CHD2: variants seen among roughly 807,000 people sequenced by gnomAD.
The protein encoded by CHD2 is ATP-dependent chromatin remodeler CHD2.
In CHD2, 28 loss-of-function variants were observed where a neutral mutation model predicts 243.9. The ratio of observed to expected loss-of-function variants is 0.11; its 90% CI spans 0.09 to 0.16. The LOEUF (loss-of-function observed/expected upper bound fraction) is 0.16, where lower values mean the gene tolerates loss of function less well. Among genes scored for constraint, CHD2 ranks in the 10% least tolerant of loss-of-function variants. The pLI is 1.00. For synonymous variants in CHD2, 775 were observed against 779.0 expected (o/e 0.99, Z 0.09); for missense variants, 1,386 against 2,209.8 (o/e 0.63, Z 7.47).
intron 26 of CHD2, among the ~76,000 whole-genome samples, chr15:92,988,050 T>C (rs1475921068): frequency 6.6e-6 from 1 of 152,122 alleles, no homozygotes; most frequent in Non-Finnish European, 1.5e-5. Flanking sequence ...CAATGCAGTT[T>C]TATAATTCAT....
rs1283361104 is a variant in CHD2 at position 92,977,600 on chromosome 15, C to T, written c.2578-634C>T. The stretch of plus-strand genomic sequence containing the variant: ...CAGGTGTGCTGTGCTTGCCCAGTGT[C>T]TACTGTCATTGCTGTGGATACTGCA... On this transcript the variant is annotated intron_variant, in intron 20 of 38. Transcript: ENST00000394196. 2.0e-5 allele frequency among the ~76,000 whole-genome samples: 3 copies of T among 152,044 alleles called. No homozygotes were observed. In the East Asian group the frequency reaches 5.8e-4, roughly 29 times the overall value.
At chr15:93,004,378 T>C (rs971325328) in intron 33 of CHD2, 1 of 356,972 alleles carries the variant, frequency 2.8e-6, no homozygotes, top group Admixed American at 4.5e-5. Context: ...AAAATAGCAC[T>C]GATGAAATTG....
At chr15:92,921,626 C>T (rs970025673) in intron 2 of CHD2, among the ~76,000 whole-genome samples, 12 of 152,122 alleles carry the variant, frequency 7.9e-5, no homozygotes, top group African/African-American at 2.2e-4. Flanking sequence ...TGTGGGGTAA[C>T]GACTCACTAA....
intron 28 of CHD2, among the ~76,000 whole-genome samples, chr15:92,994,821 T>TC (rs2054166882): frequency 6.6e-6 from 1 of 152,184 alleles, no homozygotes; most frequent in Non-Finnish European, 1.5e-5. Flanking sequence ...CCCCAAAGTC[T>TC]CCCTTTTTTT....
At chr15:92,946,243 T>C (rs775896993) in intron 12 of CHD2, 27 bp downstream of exon 12, 1 of 1,579,102 alleles carries the variant, frequency 6.3e-7, no homozygotes, top group Non-Finnish European at 8.6e-7. Context: ...CTTTTGTTTT[T>C]TCAGGGAGAA....
chr15:92,968,102 CTT>C (rs1200991813), intron 17 of CHD2, among the ~76,000 whole-genome samples: 4 of 145,072 alleles, frequency 2.8e-5, no homozygotes, highest in African/African-American at 7.4e-5. Context: ...TGGTATGTCT[CTT>C]AAGTATATTT....
At chr15:92,939,433 G>C in intron 6 of CHD2, 145 bp from the exon 7 acceptor site, 1 of 839,642 alleles carries the variant, frequency 1.2e-6, no homozygotes, top group South Asian at 2.1e-5. Flanking sequence ...AGGGAGTAGG[G>C]CCCAAGAATA....
intron 24 of CHD2, 85 bp from the exon 25 acceptor site, chr15:92,984,245 C>T: frequency 1.9e-6 from 2 of 1,047,724 alleles, no homozygotes; most frequent in Non-Finnish European, 2.6e-6. Context: ...ACAGTGTCTA[C>T]TTAGATAAAA....
rs527839842 is a variant in CHD2, at chr15:92,993,005, G to A, written c.3595+7G>A. ...AAAGAAAATGCCAGCGAGGGTAAGCGAAGTTGGCTTTAGTGAGTCTTCGCA... is the reference window on the plus strand; with the variant it reads ...AAAGAAAATGCCAGCGAGGGTAAGCAAAGTTGGCTTTAGTGAGTCTTCGCA... On this transcript the variant is annotated splice_region_variant and intron_variant, in intron 28 of 38. Coordinates refer to ENST00000394196, the MANE Select transcript of CHD2 (RefSeq NM_001271.4). 14 of 1,613,050 alleles carry A rather than the reference G, an allele frequency of 8.7e-6. No individual in the cohort carries two copies. The highest frequency in any genetic ancestry group is 4.5e-5 in the East Asian group (2 of 44,878).
At chr15:92,980,119 A>G (rs1017620100) in intron 22 of CHD2, among the ~76,000 whole-genome samples, 2 of 151,428 alleles carry the variant, frequency 1.3e-5, no homozygotes, top group Non-Finnish European at 2.9e-5. Flanking sequence ...ATCTTGGCTC[A>G]TTGCAACCTC....
intron 2 of CHD2, among the ~76,000 whole-genome samples, chr15:92,905,252 G>C (rs1353193203): frequency 6.6e-6 from 1 of 152,126 alleles, no homozygotes; most frequent in Non-Finnish European, 1.5e-5. Context: ...ATCTTCCCTA[G>C]GCCTCCATTT....
chr15:92,962,313 A>T (rs1202362684), intron 16 of CHD2, among the ~76,000 whole-genome samples: 1 of 152,024 alleles, frequency 6.6e-6, no homozygotes, highest in East Asian at 1.9e-4. Context: ...AGTTGTTTAA[A>T]GGTATGTTTA....
chr15:92,931,635 A>G (rs1237156920), intron 5 of CHD2, among the ~76,000 whole-genome samples: 2 of 152,056 alleles, frequency 1.3e-5, no homozygotes, highest in Admixed American at 6.6e-5. Flanking sequence ...TTGCTCTCCA[A>G]AAGTGTTGGG....
rs188428417 is a variant in CHD2 at position 92,936,884 on chromosome 15, C to G, written c.444-634C>G. Among the ~76,000 whole-genome samples the G allele has an allele frequency of 5.3e-4, 81 of 151,782 alleles. 2 individuals carry two copies. The highest frequency in any genetic ancestry group is 1.0e-3 in the Non-Finnish European group (68 of 67,910). On this transcript the variant is annotated intron_variant, in intron 5 of 38. Transcript: ENST00000394196. ...GGGCAGATAGGGGCAGGGTTTCACT[C>G]TTAACCGCCTAGGGTGGAGTACAGT...
intron 13 of CHD2, among the ~76,000 whole-genome samples, chr15:92,951,297 A>G (rs1434873555): frequency 6.6e-6 from 1 of 151,972 alleles, no homozygotes; most frequent in African/African-American, 2.4e-5. Context: ...CAGGCTCTTG[A>G]GTAGCTGGGA....
intron 19 of CHD2, among the ~76,000 whole-genome samples, chr15:92,973,585 CA>C (rs1253278754): frequency 2.2e-4 from 33 of 152,096 alleles, no homozygotes; most frequent in Admixed American, 2.2e-3. Context: ...TTGTTATATC[CA>C]TAATATCTTA....
chr15:92,924,175 TA>T, intron 2 of CHD2, 145 bp from the exon 3 acceptor site: 1 of 624,908 alleles, frequency 1.6e-6, no homozygotes, highest in East Asian at 2.9e-5. Flanking sequence ...ATTTGGAATG[TA>T]AAAGTATAAA....
At chr15:92,914,804 A>G (rs1315668594) in intron 2 of CHD2, among the ~76,000 whole-genome samples, 1 of 152,234 alleles carries the variant, frequency 6.6e-6, no homozygotes, top group African/African-American at 2.4e-5. Context: ...TCTATAAAAA[A>G]ATAGGTGCCC....
chr15:93,004,564 G>A (rs538767711), intron 33 of CHD2, 53 bp from the exon 34 acceptor site: 15 of 1,506,932 alleles, frequency 1.0e-5, no homozygotes, highest in Middle Eastern at 1.8e-4. Flanking sequence ...AACCTAAATC[G>A]CACGGTAGGA....
Sources: allele counts gnomAD v4.1 joint callset (sites outside exome capture counted in the v4.1 genomes callset), GRCh38; gene constraint gnomAD v4.1.1; transcripts MANE v1.5; gene names NCBI Gene and HGNC (gene_info 2026-07-23, HGNC 2026-07-21).